Variants in SPTBN1 observed in about 807,000 individuals in gnomAD.
SPTBN1 encodes spectrin beta chain, non-erythrocytic 1.
SPTBN1 carries 32 observed loss-of-function variants against 266.4 expected under a neutral mutation model. That is an observed-to-expected ratio of 0.12 (90% confidence interval 0.09 to 0.16). SPTBN1 has a LOEUF of 0.16. Among genes scored for constraint, SPTBN1 ranks in the 10% least tolerant of loss-of-function variants. The probability of loss-of-function intolerance (pLI) is 1.00; values close to 1 mark genes in which losing one functional copy is unlikely to be tolerated. For missense variants in SPTBN1, 2,296 were observed against 3,067.1 expected, an observed-to-expected ratio of 0.75 and a Z score of 5.94; for synonymous variants, 1,336 against 1,162.2, an observed-to-expected ratio of 1.15 and a Z score of -3.04.
chr2:54,580,650 T>C (rs1034755227), intron 2 of SPTBN1, among the ~76,000 whole-genome samples: 2 of 151,940 alleles, frequency 1.3e-5, no homozygotes, highest in Admixed American at 6.6e-5. Flanking sequence ...TGTTTATTGA[T>C]AGAATGGGAA....
At chr2:54,461,195 A>G (rs1268751305) in intron 1 of SPTBN1, among the ~76,000 whole-genome samples, 1 of 152,166 alleles carries the variant, frequency 6.6e-6, no homozygotes, top group Non-Finnish European at 1.5e-5. Flanking sequence ...TTTGAACTTT[A>G]TATCAACAAA....
chr2:54,633,512 C>G (rs149462096), intron 17 of SPTBN1, among the ~76,000 whole-genome samples: 108 of 152,312 alleles, frequency 7.1e-4, no homozygotes, highest in Non-Finnish European at 1.2e-3. Flanking sequence ...CTTTGACTCA[C>G]TCCTTACTCT....
chr2:54,525,984 G>T (rs1290325698), intron 1 of SPTBN1, among the ~76,000 whole-genome samples: 1 of 152,072 alleles, frequency 6.6e-6, no homozygotes, highest in African/African-American at 2.4e-5. Flanking sequence ...TGCCCACCTC[G>T]GCCTCCTAAA....
At chr2:54,460,724 G>GT (rs1693323778) in intron 1 of SPTBN1, among the ~76,000 whole-genome samples, 1 of 152,224 alleles carries the variant, frequency 6.6e-6, no homozygotes, top group Non-Finnish European at 1.5e-5. Flanking sequence ...AACCAGCTGG[G>GT]TGCAGTGGCT....
In SPTBN1 at chr2:54,645,531, A is replaced by C; in HGVS notation, c.4494+78A>C. ...GCTAAAGCCCACATTCTCACTTCTC[A>C]GTCATCCTCACCTTGGGCCACGTTG... is the stretch of plus-strand genomic sequence containing the variant. On this transcript the variant is annotated intron_variant, in intron 21 of 35. Coordinates refer to ENST00000356805, the MANE Select transcript of SPTBN1 (RefSeq NM_003128.3). This position sits in a 1 kb window ranked among gnomAD's most constrained non-coding sequence, Gnocchi z 4.3. 114 of 1,475,526 alleles carry C rather than the reference A, an allele frequency of 7.7e-5. No individual in the cohort carries two copies. Among genetic ancestry groups the C allele is most frequent in the Non-Finnish European group, 9.0e-5 (97 of 1,082,722 alleles). The allele number at this position is 1,475,526 out of a possible 1,614,324, so 91.4% of individuals were successfully genotyped here.
chr2:54,629,492 C>T lies in SPTBN1; in HGVS notation c.2358C>T (p.His786=), dbSNP rs776495175. The T allele has an allele frequency of 6.2e-6, 10 of 1,614,166 alleles. No homozygotes were observed. The highest frequency in any genetic ancestry group is 5.5e-5 in the South Asian group (5 of 91,092). ...CCACACAGTCTCTGGTCAAGAAACA[C>T]AAGGACGTGGCGGAAGAGATCGCCA... The part of the protein sequence containing the change: ...EYSTQSLVKK[H]KDVAEEIANY... Residue 786 remains histidine, a synonymous_variant, in exon 14 of 36, where the codon CAC becomes CAT. Coordinates refer to ENST00000356805, the MANE Select transcript of SPTBN1 (RefSeq NM_003128.3).
At chr2:54,643,371 C>T (rs1183208764) in intron 19 of SPTBN1, among the ~76,000 whole-genome samples, 1 of 152,194 alleles carries the variant, frequency 6.6e-6, no homozygotes, top group Non-Finnish European at 1.5e-5. Flanking sequence ...GAATACTAGG[C>T]ATTTAGTTTC....
At chr2:54,663,344 G>C (rs1033274111) in intron 32 of SPTBN1, 1 of 152,336 alleles carries the variant, frequency 6.6e-6, no homozygotes, top group South Asian at 2.1e-4. Context: ...GGTGCAGGTT[G>C]TCTGTAATCC....
At chr2:54,512,956 G>A (rs1669933242) in intron 1 of SPTBN1, among the ~76,000 whole-genome samples, 1 of 152,210 alleles carries the variant, frequency 6.6e-6, no homozygotes, top group Admixed American at 6.5e-5. Flanking sequence ...CCCAGACTTT[G>A]GGAGGCTGAG....
chr2:54,658,546 G>T (rs1481146904), intron 30 of SPTBN1, among the ~76,000 whole-genome samples: 1 of 152,118 alleles, frequency 6.6e-6, no homozygotes, highest in Non-Finnish European at 1.5e-5. Context: ...TGCATTCCTG[G>T]TAGAAAGCTG....
chr2:54,640,827 C>T (rs902586160), intron 18 of SPTBN1, among the ~76,000 whole-genome samples: 1 of 152,246 alleles, frequency 6.6e-6, no homozygotes, highest in Non-Finnish European at 1.5e-5. Flanking sequence ...GCTGGGATTA[C>T]AGGTGTGGGC....
At chr2:54,491,733 G>C (rs533132049) in intron 1 of SPTBN1, among the ~76,000 whole-genome samples, 1 of 152,192 alleles carries the variant, frequency 6.6e-6, no homozygotes, top group Admixed American at 6.5e-5. Flanking sequence ...TGGGACCACA[G>C]ATGCATGCTG....
At chr2:54,503,873 A>G (rs1208479246) in intron 1 of SPTBN1, among the ~76,000 whole-genome samples, 3 of 152,194 alleles carry the variant, frequency 2.0e-5, no homozygotes. Context: ...GTCATAATCT[A>G]TATATGGAAG....
intron 1 of SPTBN1, among the ~76,000 whole-genome samples, chr2:54,479,803 C>A (rs1668011535): frequency 6.6e-6 from 1 of 151,942 alleles, no homozygotes; most frequent in African/African-American, 2.4e-5. Context: ...ATGTAATAAC[C>A]ATTTAAGTAT....
At chr2:54,582,787 A>G (rs975230132) in intron 2 of SPTBN1, among the ~76,000 whole-genome samples, 2 of 151,770 alleles carry the variant, frequency 1.3e-5, no homozygotes, top group African/African-American at 4.8e-5. Flanking sequence ...CTAATGTAGA[A>G]CTCTCTGTAG....
intron 32 of SPTBN1, chr2:54,661,470 T>G: frequency 2.0e-6 from 2 of 985,908 alleles, no homozygotes. Context: ...TAACGTCATA[T>G]AGCATCTTGT....
intron 3 of SPTBN1, among the ~76,000 whole-genome samples, chr2:54,607,823 A>G (rs1292943095): frequency 2.6e-5 from 4 of 152,174 alleles, no homozygotes. Context: ...TCTGCACATA[A>G]TCTTATTTCC....
chr2:54,571,756 A>G, intron 2 of SPTBN1, among the ~76,000 whole-genome samples: 1 of 152,182 alleles, frequency 6.6e-6, no homozygotes, highest in East Asian at 1.9e-4. Flanking sequence ...TAAATGTTTC[A>G]TGAATAAAGG....
chr2:54,626,029 C>T lies in SPTBN1; in HGVS notation c.1439C>T (p.Ala480Val). Residue 480 changes from alanine (A) to valine (V), a missense_variant, in exon 12 of 36, where the codon GCT becomes GTT. Around this residue, in one of 12 missense-constraint regions of SPTBN1, gnomAD observed 434 missense variants for 573.9 expected, o/e 0.76. Transcript: ENST00000356805. The surrounding 1 kb of genome is among the most constrained non-coding windows in gnomAD (Gnocchi z 4.7). ...GCCGCATACGAGGAGCGTGTGCAGG[C>T]TGTGGTAGCCGTGGCCAGGGAGCTC... ...DIAAYEERVQAVVAVARELEA... is the reference protein window; with the variant it reads ...DIAAYEERVQVVVAVARELEA... 1 of 1,614,176 alleles carries T rather than the reference C, an allele frequency of 6.2e-7. No individual in the cohort carries two copies. The highest frequency in any genetic ancestry group is 8.5e-7 in the Non-Finnish European group (1 of 1,180,036).
Sources: gnomAD v4.1 joint callset for allele counts (sites outside exome capture counted in the v4.1 genomes callset) on GRCh38, gnomAD v4.1.1 for gene constraint, gnomAD v4.1.1 regional missense constraint, Gnocchi (gnomAD v3.1) non-coding constraint, MANE v1.5 for transcripts, NCBI Gene and HGNC (gene_info 2026-07-23, HGNC 2026-07-21) for gene names.